The following DCLK1 variants were observed in gnomAD, a reference collection of about 807,000 sequenced individuals.
DCLK1 encodes doublecortin like kinase 1.
In DCLK1, 16 loss-of-function variants were observed where a neutral mutation model predicts 86.2. That is an observed-to-expected ratio of 0.19 (90% CI 0.13 to 0.28). DCLK1 has a LOEUF of 0.28. Among genes scored for constraint, DCLK1 ranks in the 10% least tolerant of loss-of-function variants. DCLK1 has a pLI of 1.00. For synonymous variants in DCLK1, 369 were observed against 370.5 expected, an observed-to-expected ratio of 1.00 and a Z score of 0.05; for missense variants, 590 against 940.2, an observed-to-expected ratio of 0.63 and a Z score of 4.87.
chr13:35,795,582 C>T (rs2086791528), intron 15 of DCLK1, among the ~76,000 whole-genome samples: 1 of 152,150 alleles, frequency 6.6e-6, no homozygotes, highest in African/African-American at 2.4e-5. Flanking sequence ...GAGTTCTAAA[C>T]ACAAGGGTGA....
chr13:35,920,445 T>C (rs970428883), intron 4 of DCLK1, among the ~76,000 whole-genome samples: 1 of 152,188 alleles, frequency 6.6e-6, no homozygotes, highest in Non-Finnish European at 1.5e-5. Context: ...GTAAAATGAA[T>C]AGCAAAACCA....
intron 2 of DCLK1, among the ~76,000 whole-genome samples, chr13:36,124,659 G>A (rs767507022): frequency 3.1e-4 from 47 of 152,204 alleles, no homozygotes; most frequent in Admixed American, 1.0e-3. Flanking sequence ...AAGAGAGGGA[G>A]GGATTATATG....
intron 8 of DCLK1, among the ~76,000 whole-genome samples, chr13:35,830,644 T>C (rs978648304): frequency 6.6e-6 from 1 of 152,214 alleles, no homozygotes; most frequent in Non-Finnish European, 1.5e-5. Context: ...TTGGAATACA[T>C]GAGCAATTTC....
In DCLK1 at chr13:35,773,388, A is replaced by G. The variant is rs1165041617; in HGVS notation, c.*1147T>C. On this transcript the variant is annotated 3_prime_UTR_variant, in exon 17 of 17. Transcript: ENST00000360631. ...TCCTAGGAGACTATATAGGTAACCTAAAGGTGCACATGGAATTGTCTTGCC... is the reference window on the plus strand; with the variant it reads ...TCCTAGGAGACTATATAGGTAACCTGAAGGTGCACATGGAATTGTCTTGCC... 3 of 152,190 alleles carry G rather than the reference A, an allele frequency of 2.0e-5. No individual in the cohort carries two copies. The highest frequency in any genetic ancestry group is 7.3e-5 in the African/African-American group (3 of 41,374). The allele number at this position is 152,190 out of a possible 1,614,324, so 9.4% of individuals were successfully genotyped here.
intron 4 of DCLK1, among the ~76,000 whole-genome samples, chr13:35,939,909 G>A (rs973554117): frequency 5.9e-5 from 9 of 152,048 alleles, no homozygotes; most frequent in South Asian, 2.1e-4. Context: ...AGTATGTTTC[G>A]TAAGAGATAA....
At position 35,778,931 on chromosome 13, in the gene DCLK1, T is replaced by C. The variant is rs2086474616; in HGVS notation, c.2059-4232A>G. On this transcript the variant is annotated intron_variant, in intron 16 of 16. Transcript: ENST00000360631. ...TGATGTATCTCTGAATGTACTTTAATCATTCTCACATCTACCTCTTGGTTC... is the reference window on the plus strand; with the variant it reads ...TGATGTATCTCTGAATGTACTTTAACCATTCTCACATCTACCTCTTGGTTC... Among the ~76,000 whole-genome samples, 3 of 152,236 alleles carry C rather than the reference T, an allele frequency of 2.0e-5. No individual in the cohort carries two copies. The South Asian group carries it at 6.2e-4, about 31-fold the overall frequency.
intron 13 of DCLK1, 58 bp downstream of exon 13, chr13:35,808,960 T>A (rs2087088902): frequency 6.8e-7 from 1 of 1,479,328 alleles, no homozygotes; most frequent in Non-Finnish European, 9.3e-7. Context: ...GGCTAATGGA[T>A]CACTCAGAGA....
At chr13:35,963,531 T>A (rs910992299) in intron 3 of DCLK1, among the ~76,000 whole-genome samples, 10 of 152,210 alleles carry the variant, frequency 6.6e-5, no homozygotes, top group African/African-American at 2.2e-4. Context: ...TTCTGGTCAA[T>A]GATAACTCAG....
intron 6 of DCLK1, among the ~76,000 whole-genome samples, chr13:35,840,947 GGT>G (rs1869751565): frequency 6.6e-6 from 1 of 152,198 alleles, no homozygotes; most frequent in African/African-American, 2.4e-5. Flanking sequence ...TTGAGGGGAA[GGT>G]GTGTGTTTTC....
At chr13:35,873,137 A>C (rs1161117983) in intron 4 of DCLK1, among the ~76,000 whole-genome samples, 1 of 151,994 alleles carries the variant, frequency 6.6e-6, no homozygotes, top group African/African-American at 2.4e-5. Context: ...GCCTCTACTA[A>C]AAATACAAAA....
intron 4 of DCLK1, among the ~76,000 whole-genome samples, chr13:35,902,322 T>C (rs1274180159): frequency 6.6e-6 from 1 of 152,202 alleles, no homozygotes; most frequent in African/African-American, 2.4e-5. Flanking sequence ...GGTGATTCTA[T>C]TTCTTTGCCA....
intron 3 of DCLK1, among the ~76,000 whole-genome samples, chr13:36,002,301 T>G (rs1880758502): frequency 6.6e-6 from 1 of 152,208 alleles, no homozygotes; most frequent in Non-Finnish European, 1.5e-5. Flanking sequence ...AGTTTCAATT[T>G]AGTGTCATCC....
chr13:36,090,748 C>T (rs546736071), intron 3 of DCLK1, among the ~76,000 whole-genome samples: 17 of 152,030 alleles, frequency 1.1e-4, no homozygotes, highest in East Asian at 3.9e-4. Context: ...TCACTGGATA[C>T]GGGGGCGAAT....
chr13:35,811,660 C>G (rs201790975), intron 11 of DCLK1, among the ~76,000 whole-genome samples: 2 of 151,816 alleles, frequency 1.3e-5, no homozygotes, highest in African/African-American at 2.4e-5. Context: ...ATGGTGAAAC[C>G]CTGTCTCTAC....
intron 3 of DCLK1, among the ~76,000 whole-genome samples, chr13:36,095,171 T>A (rs370127250): frequency 8.3e-6 from 1 of 120,496 alleles, no homozygotes; most frequent in Non-Finnish European, 1.6e-5. Flanking sequence ...CTCTCTCTCT[T>A]TGTTTTTTTT....
intron 3 of DCLK1, among the ~76,000 whole-genome samples, chr13:36,078,224 T>C (rs1398984404): frequency 6.6e-6 from 1 of 152,236 alleles, no homozygotes; most frequent in Non-Finnish European, 1.5e-5. Context: ...GCCAGCACCT[T>C]GATCTTGAAC....
Position 35,854,559 on chromosome 13 carries a change from C to G in DCLK1, c.975G>C (p.Pro325=), listed in dbSNP as rs151019237. 6.2e-7 allele frequency: 1 copy of G among 1,603,388 alleles called. No individual in the cohort carries two copies. Among genetic ancestry groups the G allele is most frequent in the East Asian group, 2.3e-5 (1 of 44,206 alleles). Residue 325 remains proline, a synonymous_variant, in exon 6 of 17, where the codon CCG becomes CCC. Transcript: ENST00000360631. ...ATGGGCTTGGCGACTTGCCTGAGCGCGGAGTAGAGAGCTGACTACCAGGGG... is the reference window on the plus strand; with the variant it reads ...ATGGGCTTGGCGACTTGCCTGAGCGGGGAGTAGAGAGCTGACTACCAGGGG... ...NGTPGSQLST[P]RSGKSPSPSP...
rs549012697 is a variant in DCLK1 at position 35,964,776 on chromosome 13, G to A, written c.724-17319C>T. Among the ~76,000 whole-genome samples, 286 of 135,478 alleles carry A rather than the reference G, an allele frequency of 2.1e-3. 2 individuals are homozygous for A. The highest frequency in any genetic ancestry group is 8.0e-3 in the African/African-American group (266 of 33,324). The allele number at this position is 135,478 out of a possible 152,430, so 88.9% of individuals were successfully genotyped here. A position where few individuals can be genotyped will look rare whatever the true frequency, so the allele number is the denominator to read the frequency against. On this transcript the variant is annotated intron_variant, in intron 3 of 16. Transcript: ENST00000360631. Reference sequence around the variant, plus strand: ...AAGAATGGTTTTTACATTTTAAAATGGTTGGAAAAAAAAAAAAAAAAACTC... The same window carrying A: ...AAGAATGGTTTTTACATTTTAAAATAGTTGGAAAAAAAAAAAAAAAAACTC...
intron 4 of DCLK1, among the ~76,000 whole-genome samples, chr13:35,920,306 C>T (rs367944016): frequency 6.6e-6 from 1 of 152,172 alleles, no homozygotes; most frequent in Non-Finnish European, 1.5e-5. Flanking sequence ...TAGCAATGCA[C>T]ATAGCATCAC....
Sources: allele counts gnomAD v4.1 joint callset (sites outside exome capture counted in the v4.1 genomes callset), GRCh38; gene constraint gnomAD v4.1.1; transcripts MANE v1.5; gene names NCBI Gene and HGNC (gene_info 2026-07-23, HGNC 2026-07-21).